ANAPC13: variants seen among roughly 807,000 people sequenced by gnomAD.
ANAPC13 encodes anaphase-promoting complex subunit 13.
A neutral mutation model predicts 9.6 loss-of-function variants in ANAPC13; 9 were observed. The observed-to-expected ratio is 0.94, with a 90% CI of 0.57 to 1.64. ANAPC13 has a LOEUF of 1.64. Ranked by LOEUF, ANAPC13 falls within the 40% of genes most tolerant of loss-of-function variation. The pLI, the probability that ANAPC13 is intolerant of heterozygous loss-of-function variation, is 0.00. For synonymous variants in ANAPC13, 30 were observed against 29.7 expected, an observed-to-expected ratio of 1.01 and a Z score of -0.03; for missense variants, 75 against 85.3, an observed-to-expected ratio of 0.88 and a Z score of 0.48.
In ANAPC13 at chr3:134,485,949, T is replaced by A; in HGVS notation, c.-28+3A>T. On this transcript the variant is annotated splice_donor_region_variant and intron_variant, in intron 1 of 2. Transcript: ENST00000354910. Reference sequence around the variant, plus strand: ...CTAGGCCGGGGGCGCTGGAAACCCTTACCGGCACCCGGCCACCGCGGCAGA... The same window carrying A: ...CTAGGCCGGGGGCGCTGGAAACCCTAACCGGCACCCGGCCACCGCGGCAGA... The A allele has an allele frequency of 1.0e-6, 1 of 982,158 alleles. No individual in the cohort carries two copies. The highest frequency in any genetic ancestry group is 1.2e-6 in the Non-Finnish European group (1 of 827,942). 60.8% of individuals were successfully genotyped at this position (982,158 alleles called of 1,614,324 possible).
At chr3:134,484,303 C>T (rs993776919) in intron 1 of ANAPC13, among the ~76,000 whole-genome samples, 1 of 152,142 alleles carries the variant, frequency 6.6e-6, no homozygotes, top group Non-Finnish European at 1.5e-5. Flanking sequence ...TGGCGTGAAC[C>T]TGGGAGGCGG....
At position 134,478,551 on chromosome 3, in the gene ANAPC13, T is replaced by C; in HGVS notation, c.*39A>G. 2 of 1,603,910 alleles carry C rather than the reference T, an allele frequency of 1.2e-6. No individual in the cohort carries two copies. The highest frequency in any genetic ancestry group is 2.2e-5 in the East Asian group (1 of 44,700). ...TGAAACAAACCATGCTTTATCTGTG[T>C]ACTTTGAGAAAATCCATCCACAAGA... On this transcript the variant is annotated 3_prime_UTR_variant, in exon 3 of 3. Coordinates refer to ENST00000354910, the MANE Select transcript of ANAPC13 (RefSeq NM_015391.4).
intron 2 of ANAPC13, among the ~76,000 whole-genome samples, chr3:134,480,265 AC>A (rs1419516881): frequency 1.3e-5 from 2 of 152,248 alleles, no homozygotes; most frequent in African/African-American, 4.8e-5. Context: ...TCAGAAGCAG[AC>A]AACGTTGCTT....
intron 1 of ANAPC13, chr3:134,483,223 A>G: frequency 3.2e-6 from 1 of 315,404 alleles, no homozygotes; most frequent in Non-Finnish European, 6.0e-6. Context: ...TTGCATCTCA[A>G]TGTAGCTCTT....
chr3:134,484,726 C>T lies in ANAPC13; in HGVS notation c.-28+1226G>A, dbSNP rs578145061. 6.8e-4 allele frequency among the ~76,000 whole-genome samples: 104 copies of T among 152,364 alleles called. 2 individuals are homozygous for T. In the South Asian group the frequency reaches 0.014, roughly 20 times the overall value. On this transcript the variant is annotated intron_variant, in intron 1 of 2. Transcript: ENST00000354910. The stretch of plus-strand genomic sequence containing the variant: ...TGCTGCTACTCCTTTGTCCTTGCTG[C>T]TCTGTCTCCTGGGATACCCTTCTCA...
intron 2 of ANAPC13, 133 bp from the exon 3 acceptor site, chr3:134,478,848 T>G (rs1934669452): frequency 9.9e-7 from 1 of 1,012,086 alleles, no homozygotes; most frequent in Non-Finnish European, 1.4e-6. Flanking sequence ...CTAAAAAAGC[T>G]AAAATCATAC....
chr3:134,483,127 G>T (rs369070995), intron 1 of ANAPC13, 196 bp from the exon 2 acceptor site: 66 of 570,980 alleles, frequency 1.2e-4, no homozygotes, highest in African/African-American at 1.1e-3. Flanking sequence ...GTGTATACTG[G>T]ACAGGCATAG....
intron 1 of ANAPC13, 94 bp from the exon 2 acceptor site, chr3:134,483,025 C>T (rs925251109): frequency 9.6e-6 from 8 of 837,630 alleles, no homozygotes; most frequent in Non-Finnish European, 1.6e-5. Context: ...TCTGGGGCCA[C>T]CTTTTGGGAA....
intron 2 of ANAPC13, among the ~76,000 whole-genome samples, chr3:134,480,089 C>G (rs1934703608): frequency 6.6e-6 from 1 of 152,136 alleles, no homozygotes; most frequent in Admixed American, 6.5e-5. Context: ...TCACATACAT[C>G]TTGTTCTACA....
chr3:134,485,858 C>T (rs1225133476), intron 1 of ANAPC13, 94 bp downstream of exon 1: 1 of 424,586 alleles, frequency 2.4e-6, no homozygotes, highest in African/African-American at 2.2e-5. Context: ...AAGTGACAGC[C>T]TCGGCCGATG....
chr3:134,485,991 G>GGCCCCCC, upstream of ANAPC13: 28 of 938,112 alleles, frequency 3.0e-5, no homozygotes, highest in South Asian at 4.9e-5. Context: ...CTCCTGCCAC[G>GGCCCCCC]CCCCCCCCCC....
intron 2 of ANAPC13, among the ~76,000 whole-genome samples, chr3:134,479,302 C>T (rs914551388): frequency 6.6e-6 from 1 of 152,092 alleles, no homozygotes; most frequent in Non-Finnish European, 1.5e-5. Context: ...ATTCCTTAGA[C>T]ACAAGAAATG....
intron 1 of ANAPC13, 155 bp from the exon 2 acceptor site, chr3:134,483,086 C>G: frequency 1.6e-6 from 1 of 613,192 alleles, no homozygotes; most frequent in Non-Finnish European, 2.9e-6. Context: ...CACAGTTCCT[C>G]TCTCCAACCC....
In ANAPC13 at chr3:134,478,537, A is replaced by G; in HGVS notation, c.*53T>C. On this transcript the variant is annotated 3_prime_UTR_variant, in exon 3 of 3. Coordinates refer to ENST00000354910, the MANE Select transcript of ANAPC13 (RefSeq NM_015391.4). ...TTGAATTTGGAGACTGAAACAAACC[A>G]TGCTTTATCTGTGTACTTTGAGAAA... 3 of 1,576,578 alleles carry G rather than the reference A, an allele frequency of 1.9e-6. No homozygotes were observed. Among genetic ancestry groups the G allele is most frequent in the South Asian group, 2.3e-5 (2 of 85,772 alleles).
rs546745783 is a variant in ANAPC13 at position 134,478,653 on chromosome 3, T to C, written c.162A>G (p.Glu54=). The C allele has an allele frequency of 1.2e-6, 2 of 1,614,132 alleles. No homozygotes were observed. Among genetic ancestry groups the C allele is most frequent in the East Asian group, 2.2e-5 (1 of 44,874 alleles). ...GTAAGGCTAAGTCTGTCCACTTCAT[T>C]TCTTGTTCTTTGACAGATTCTGTGG... ...GGTTESVKEQ[E]MKWTDLALQY... The change falls in exon 3 of 3, where the codon GAA becomes GAG. Residue 54 remains glutamate (E), a synonymous_variant. Coordinates refer to ENST00000354910, the MANE Select transcript of ANAPC13 (RefSeq NM_015391.4).
chr3:134,485,990 C>CGG, upstream of ANAPC13: 20 of 837,558 alleles, frequency 2.4e-5, no homozygotes, highest in Non-Finnish European at 2.5e-5. Flanking sequence ...GCTCCTGCCA[C>CGG]GCCCCCCCCC....
At chr3:134,479,557 C>T (rs1466465989) in intron 2 of ANAPC13, among the ~76,000 whole-genome samples, 1 of 151,958 alleles carries the variant, frequency 6.6e-6, no homozygotes, top group African/African-American at 2.4e-5. Flanking sequence ...CTATGTTGGT[C>T]AGGCTGGTCT....
At chr3:134,485,839 A>C in intron 1 of ANAPC13, 113 bp downstream of exon 1, 1 of 310,120 alleles carries the variant, frequency 3.2e-6, no homozygotes, top group Non-Finnish European at 4.7e-6. Flanking sequence ...AAAAACGGTT[A>C]TGAGCGTAAA....
In ANAPC13 at chr3:134,478,228, T is replaced by C. The variant is rs1430695454; in HGVS notation, c.*362A>G. Reference sequence around the variant, plus strand: ...ATTCTCCTAGTGTCTGGCTTCCTTTTTCTTTGCCTTTCCCTCTCATACGTT... The same window carrying C: ...ATTCTCCTAGTGTCTGGCTTCCTTTCTCTTTGCCTTTCCCTCTCATACGTT... On this transcript the variant is annotated 3_prime_UTR_variant, in exon 3 of 3. Transcript: ENST00000354910. 1 of 180,814 alleles carries C rather than the reference T, an allele frequency of 5.5e-6. No individual in the cohort carries two copies. The highest frequency in any genetic ancestry group is 2.4e-5 in the African/African-American group (1 of 41,952). The allele number at this position is 180,814 out of a possible 1,614,324, so 11.2% of individuals were successfully genotyped here. A position where few individuals can be genotyped will look rare whatever the true frequency, so the allele number is the denominator to read the frequency against.
Sources: allele counts gnomAD v4.1 joint callset (sites outside exome capture counted in the v4.1 genomes callset), GRCh38; gene constraint gnomAD v4.1.1; transcripts MANE v1.5; gene names NCBI Gene and HGNC (gene_info 2026-07-23, HGNC 2026-07-21).